SGCZ: variants seen among roughly 807,000 people sequenced by gnomAD.
SGCZ encodes sarcoglycan zeta.
A neutral mutation model predicts 41.3 loss-of-function variants in SGCZ; 40 were observed. The ratio of observed to expected loss-of-function variants is 0.97; its 90% CI spans 0.75 to 1.26. The LOEUF (loss-of-function observed/expected upper bound fraction) is 1.26, where lower values mean the gene tolerates loss of function less well. SGCZ is among the 50% of genes most tolerant of loss of function. The probability of loss-of-function intolerance (pLI) is 0.00; values close to 1 mark genes in which losing one functional copy is unlikely to be tolerated. For synonymous variants in SGCZ, 206 were observed against 137.5 expected (o/e 1.50, Z -3.49); for missense variants, 552 against 369.8 (o/e 1.49, Z -4.04).
At chr8:15,110,368 T>C (rs924685687) in intron 1 of SGCZ, among the ~76,000 whole-genome samples, 10 of 152,184 alleles carry the variant, frequency 6.6e-5, no homozygotes, top group Admixed American at 6.5e-5. Context: ...AAAATTATGT[T>C]CACAATGATC....
chr8:14,251,369 G>A (rs1037895461), intron 3 of SGCZ, among the ~76,000 whole-genome samples: 2 of 152,176 alleles, frequency 1.3e-5, no homozygotes, highest in Admixed American at 1.3e-4. Flanking sequence ...ATTTTCAAGA[G>A]ACAGACAGAA....
At chr8:14,099,042 A>AATAG (rs1801930742) in intron 7 of SGCZ, among the ~76,000 whole-genome samples, 1 of 152,200 alleles carries the variant, frequency 6.6e-6, no homozygotes. Flanking sequence ...CATTTTTTAT[A>AATAG]ATAGATAAAT....
intron 1 of SGCZ, among the ~76,000 whole-genome samples, chr8:15,194,526 G>A (rs1255803030): frequency 6.6e-6 from 1 of 152,152 alleles, no homozygotes; most frequent in Non-Finnish European, 1.5e-5. Context: ...AGGGCACTGA[G>A]GTGGGGAAAT....
Position 15,020,576 on chromosome 8 carries a change from T to C in SGCZ, c.39+217009A>G, listed in dbSNP as rs17120745. Among the ~76,000 whole-genome samples the C allele has an allele frequency of 9.1e-3, 1,386 of 152,300 alleles. 26 individuals are homozygous for C. Among genetic ancestry groups the C allele is most frequent in the African/African-American group, 0.029 (1,221 of 41,566 alleles). On this transcript the variant is annotated intron_variant, in intron 1 of 7. Transcript: ENST00000382080. ...CACCAGAAAATATTAACTTGCACTT[T>C]TGAAGTCACCTCAACCAGATACACA...
At chr8:14,791,811 C>T (rs764727657) in intron 1 of SGCZ, among the ~76,000 whole-genome samples, 1 of 152,142 alleles carries the variant, frequency 6.6e-6, no homozygotes, top group Non-Finnish European at 1.5e-5. Flanking sequence ...TAAATTAAAC[C>T]TCCTCAGGAC....
intron 2 of SGCZ, among the ~76,000 whole-genome samples, chr8:14,525,537 G>A (rs561091613): frequency 6.6e-6 from 1 of 152,170 alleles, no homozygotes; most frequent in African/African-American, 2.4e-5. Flanking sequence ...CCATGATCAT[G>A]AGAAAGATTA....
intron 2 of SGCZ, among the ~76,000 whole-genome samples, chr8:14,335,546 T>C (rs1371216144): frequency 6.6e-6 from 1 of 152,114 alleles, no homozygotes; most frequent in Non-Finnish European, 1.5e-5. Flanking sequence ...TGGCATACTT[T>C]CTAAGTTTTA....
At chr8:14,211,570 C>T (rs570432243) in intron 4 of SGCZ, among the ~76,000 whole-genome samples, 1 of 152,134 alleles carries the variant, frequency 6.6e-6, no homozygotes, top group South Asian at 2.1e-4. Flanking sequence ...TAAAAGGAAG[C>T]ATTTTAGAGA....
intron 1 of SGCZ, among the ~76,000 whole-genome samples, chr8:14,637,670 G>A (rs1361155678): frequency 6.6e-6 from 1 of 151,758 alleles, no homozygotes; most frequent in African/African-American, 2.4e-5. Flanking sequence ...TTTTATGGCT[G>A]CATAACATTC....
At chr8:14,459,830 A>C (rs920063746) in intron 2 of SGCZ, among the ~76,000 whole-genome samples, 1 of 152,212 alleles carries the variant, frequency 6.6e-6, no homozygotes, top group Non-Finnish European at 1.5e-5. Context: ...CAATATAATC[A>C]AAAGAAAACA....
chr8:14,283,577 C>T (rs1041781186), intron 3 of SGCZ, among the ~76,000 whole-genome samples: 2 of 152,178 alleles, frequency 1.3e-5, no homozygotes, highest in African/African-American at 4.8e-5. Flanking sequence ...TGTTCCTTCA[C>T]GTTAAACCCT....
At chr8:15,108,032 T>A (rs1190811606) in intron 1 of SGCZ, among the ~76,000 whole-genome samples, 2 of 152,212 alleles carry the variant, frequency 1.3e-5, no homozygotes. Context: ...TGGGATTTAC[T>A]AATAGTTTTT....
intron 1 of SGCZ, among the ~76,000 whole-genome samples, chr8:14,888,223 C>A (rs1009528414): frequency 3.3e-5 from 5 of 152,080 alleles, no homozygotes; most frequent in South Asian, 2.1e-4. Flanking sequence ...CCTTAAATGA[C>A]AAAAGATGGC....
intron 1 of SGCZ, among the ~76,000 whole-genome samples, chr8:14,610,317 C>T (rs1805885726): frequency 2.0e-5 from 3 of 152,164 alleles, no homozygotes; most frequent in Non-Finnish European, 4.4e-5. Flanking sequence ...GTGAAAGATG[C>T]CCTCCCTCTA....
In SGCZ at chr8:14,475,830, GTTATT is replaced by G. The variant is rs144453746; in HGVS notation, c.234+78897_234+78901del. 3.3e-3 allele frequency among the ~76,000 whole-genome samples: 504 copies of G among 152,138 alleles called. 2 individuals carry two copies. The highest frequency in any genetic ancestry group is 0.011 in the African/African-American group (464 of 41,512). On this transcript the variant is annotated intron_variant, in intron 2 of 7. Coordinates refer to ENST00000382080, the MANE Select transcript of SGCZ (RefSeq NM_139167.4). ...AATGTTGAATATACACATTGTGATA[GTTATT>G]TTATTTTATTTTTTACTTAAGACAG... is the stretch of plus-strand genomic sequence containing the variant.
chr8:15,096,432 A>G (rs1806349198), intron 1 of SGCZ, among the ~76,000 whole-genome samples: 1 of 152,118 alleles, frequency 6.6e-6, no homozygotes, highest in African/African-American at 2.4e-5. Context: ...GAAAGCAGGA[A>G]TAATATAATT....
chr8:14,887,020 G>A (rs1220724646), intron 1 of SGCZ, among the ~76,000 whole-genome samples: 1 of 152,110 alleles, frequency 6.6e-6, no homozygotes, highest in Non-Finnish European at 1.5e-5. Flanking sequence ...TAAGCAGCTG[G>A]AAGAAAGGTG....
At chr8:14,654,082 T>A (rs1451328433) in intron 1 of SGCZ, among the ~76,000 whole-genome samples, 1 of 152,064 alleles carries the variant, frequency 6.6e-6, no homozygotes, top group Non-Finnish European at 1.5e-5. Context: ...ATAAGAGTCA[T>A]AGAAGTTAAC....
At chr8:14,125,699 G>A (rs1275268378) in intron 5 of SGCZ, among the ~76,000 whole-genome samples, 1 of 152,096 alleles carries the variant, frequency 6.6e-6, no homozygotes, top group Admixed American at 6.6e-5. Flanking sequence ...GGACAAAGCT[G>A]GAGGCATCAC....
Sources: gnomAD v4.1 joint callset for allele counts (sites outside exome capture counted in the v4.1 genomes callset) on GRCh38, gnomAD v4.1.1 for gene constraint, MANE v1.5 for transcripts, NCBI Gene and HGNC (gene_info 2026-07-23, HGNC 2026-07-21) for gene names.